DTX3: variants seen among roughly 807,000 people sequenced by gnomAD.
The protein encoded by DTX3 is deltex E3 ubiquitin ligase 3, also known as E3 ubiquitin-protein ligase DTX3.
In DTX3, 10 loss-of-function variants were observed where a neutral mutation model predicts 27.4. That is an observed-to-expected ratio of 0.36 (90% CI 0.22 to 0.62). The LOEUF is 0.62. DTX3 is among the 20% of genes least tolerant of loss of function. DTX3 has a pLI of 0.68. For synonymous variants in DTX3, 171 were observed against 190.7 expected, an observed-to-expected ratio of 0.90 and a Z score of 0.85; for missense variants, 319 against 463.8, an observed-to-expected ratio of 0.69 and a Z score of 2.87.
Position 57,607,954 on chromosome 12 carries a change from G to A in DTX3, c.750+341G>A, listed in dbSNP as rs1369878124. Among the ~76,000 whole-genome samples the A allele has an allele frequency of 6.6e-6, 1 of 152,216 alleles. No individual in the cohort carries two copies. The highest frequency in any genetic ancestry group is 1.9e-4 in the East Asian group (1 of 5,196). On this transcript the variant is annotated intron_variant, in intron 5 of 6. Coordinates refer to ENST00000337737, the MANE Select transcript of DTX3 (RefSeq NM_178502.4). This position sits in a 1 kb window ranked among gnomAD's most constrained non-coding sequence, Gnocchi z 7.7. ...GTGGAGGTGGTGGCTTAGGGGAAGG[G>A]AGGCACAATAGGAAGGGATCTGACC... is the stretch of plus-strand genomic sequence containing the variant.
At position 57,609,274 on chromosome 12, in the gene DTX3, A is replaced by C; in HGVS notation, c.*122A>C. 1.1e-6 allele frequency: 1 copy of C among 896,436 alleles called. No homozygotes were observed. Among genetic ancestry groups the C allele is most frequent in the South Asian group, 1.5e-5 (1 of 66,086 alleles). The allele number at this position is 896,436 out of a possible 1,614,324, so 55.5% of individuals were successfully genotyped here. ...CTGTAGGGGACCTGTCTGACTGGGA[A>C]GGGAGTTCCGAGAGGGAGGGGGCAA... On this transcript the variant is annotated 3_prime_UTR_variant, in exon 7 of 7. Coordinates refer to ENST00000337737, the MANE Select transcript of DTX3 (RefSeq NM_178502.4).
chr12:57,606,388 A>G, intron 3 of DTX3, 55 bp from the exon 4 acceptor site: 1 of 1,430,130 alleles, frequency 7.0e-7, no homozygotes, highest in Admixed American at 2.1e-5. Flanking sequence ...GTTGGGGGCC[A>G]TGGGAATTGG....
rs755865914 is a variant in DTX3 at position 57,608,821 on chromosome 12, G to A, written c.968+84G>A. ...AGGGACCCACCAACCCCTCGCTCAC[G>A]GAGCCTCCTAACTGGAGAGAACCAC... is the stretch of plus-strand genomic sequence containing the variant. On this transcript the variant is annotated intron_variant, in intron 6 of 6. Transcript: ENST00000337737. This position sits in a 1 kb window ranked among gnomAD's most constrained non-coding sequence, Gnocchi z 6.1. 1.8e-5 allele frequency: 27 copies of A among 1,471,822 alleles called. No individual in the cohort carries two copies. In the East Asian group the frequency reaches 2.4e-4, roughly 13 times the overall value. The allele number at this position is 1,471,822 out of a possible 1,614,324, so 91.2% of individuals were successfully genotyped here.
At position 57,609,176 on chromosome 12, in the gene DTX3, C is replaced by T. The variant is rs750353500; in HGVS notation, c.*24C>T. ...GAAGGACATCGCCTTTGCCAAGGCC[C>T]CTGCTGTCTGCCTCTACTAGGACCC... On this transcript the variant is annotated 3_prime_UTR_variant, in exon 7 of 7. Coordinates refer to ENST00000337737, the MANE Select transcript of DTX3 (RefSeq NM_178502.4). 7.4e-6 allele frequency: 12 copies of T among 1,611,616 alleles called. No individual in the cohort carries two copies. The highest frequency in any genetic ancestry group is 1.7e-5 in the Admixed American group (1 of 59,962).
intron 6 of DTX3, 35 bp from the exon 7 acceptor site, chr12:57,609,042 T>C: frequency 6.2e-7 from 1 of 1,600,026 alleles, no homozygotes; most frequent in Non-Finnish European, 8.6e-7. Flanking sequence ...TTCAAACAGC[T>C]AACAACCCTC....
intron 4 of DTX3, 106 bp from the exon 5 acceptor site, chr12:57,606,759 G>A (rs1012086445): frequency 6.9e-7 from 1 of 1,454,842 alleles, no homozygotes; most frequent in African/African-American, 1.4e-5. Context: ...ATTAGGCTTT[G>A]AGAAAACAGA....
At position 57,609,204 on chromosome 12, in the gene DTX3, C is replaced by G; in HGVS notation, c.*52C>G. On this transcript the variant is annotated 3_prime_UTR_variant, in exon 7 of 7. Coordinates refer to ENST00000337737, the MANE Select transcript of DTX3 (RefSeq NM_178502.4). ...GCTGTCTGCCTCTACTAGGACCCAG[C>G]AGAAGCCTCTTTCTCCTCTCTGCCC... is the stretch of plus-strand genomic sequence containing the variant. The G allele has an allele frequency of 1.9e-6, 3 of 1,561,686 alleles. No individual in the cohort carries two copies. Among genetic ancestry groups the G allele is most frequent in the Non-Finnish European group, 2.6e-6 (3 of 1,133,708 alleles).
chr12:57,605,496 A>C (rs1219862281), intron 1 of DTX3, 75 bp from the exon 2 acceptor site: 2 of 152,362 alleles, frequency 1.3e-5, no homozygotes, highest in African/African-American at 4.8e-5. Context: ...TGATGGAGGC[A>C]TGAAGGGACA....
chr12:57,606,602 C>A, intron 4 of DTX3, 84 bp downstream of exon 4: 1 of 1,551,172 alleles, frequency 6.4e-7, no homozygotes, highest in Non-Finnish European at 8.8e-7. Context: ...CAAGTTGTTT[C>A]TATGATCTGG....
In DTX3 at chr12:57,607,230, C is replaced by T. The variant is rs1423428330; in HGVS notation, c.367C>T (p.Pro123Ser). 1.2e-6 allele frequency: 2 copies of T among 1,606,784 alleles called. No individual in the cohort carries two copies. The highest frequency in any genetic ancestry group is 1.7e-6 in the Non-Finnish European group (2 of 1,177,146). ...EHPEMHRAGP[P>S]PLRAAPLLPP... is the part of the protein sequence containing the mutation. ...CCCTGAGATGCACCGCGCAGGCCCACCCCCTCTCCGAGCAGCCCCACTTCT... is the reference window on the plus strand; with the variant it reads ...CCCTGAGATGCACCGCGCAGGCCCATCCCCTCTCCGAGCAGCCCCACTTCT... Residue 123 changes from proline (P) to serine (S), a missense_variant, in exon 5 of 7, where the codon CCC becomes TCC. Around this residue, in one of 2 missense-constraint regions of DTX3, gnomAD observed 202 missense variants for 205.3 expected, o/e 0.98. Transcript: ENST00000337737. This position sits in a 1 kb window ranked among gnomAD's most constrained non-coding sequence, Gnocchi z 7.7.
chr12:57,609,799 T>C lies in DTX3; in HGVS notation c.*647T>C, dbSNP rs1241578894. On this transcript the variant is annotated 3_prime_UTR_variant, in exon 7 of 7. Transcript: ENST00000337737. The stretch of plus-strand genomic sequence containing the variant: ...ATAAAAATAAAGTAAAATATGCAAC[T>C]CTTTATGCCACACCCGTTCTTTTCC... 1.3e-5 allele frequency: 2 copies of C among 158,430 alleles called. No homozygotes were observed. The highest frequency in any genetic ancestry group is 4.8e-5 in the African/African-American group (2 of 41,578). The allele number at this position is 158,430 out of a possible 1,614,324, so 9.8% of individuals were successfully genotyped here.
rs1883906035 is a variant in DTX3, at chr12:57,609,234, C to T, written c.*82C>T. ...GCCTCTTTCTCCTCTCTGCCCCCTG[C>T]CCCCCACACCACACCTGTAGGGGAC... On this transcript the variant is annotated 3_prime_UTR_variant, in exon 7 of 7. Coordinates refer to ENST00000337737, the MANE Select transcript of DTX3 (RefSeq NM_178502.4). The T allele has an allele frequency of 7.8e-7, 1 of 1,281,974 alleles. No homozygotes were observed. The allele number at this position is 1,281,974 out of a possible 1,614,324, so 79.4% of individuals were successfully genotyped here. A position where few individuals can be genotyped will look rare whatever the true frequency, so the allele number is the denominator to read the frequency against.
In DTX3 at chr12:57,606,500, TA is replaced by T; in HGVS notation, c.-16del. 1 of 1,614,072 alleles carries T rather than the reference TA, an allele frequency of 6.2e-7. No individual in the cohort carries two copies. On this transcript the variant is annotated 5_prime_UTR_variant, in exon 4 of 7. Transcript: ENST00000337737. ...GAAGAGTGAGCCTGCATGCCAATTC[TA>T]AGCTCTTCAGGATCAAAGTAAGCAA...
In DTX3 at chr12:57,606,985, G is replaced by A. The variant is rs761380782; in HGVS notation, c.122G>A (p.Arg41Gln). Residue 41 changes from arginine (R) to glutamine (Q), a missense_variant, in exon 5 of 7, where the codon CGG becomes CAG. Around this residue, in one of 2 missense-constraint regions of DTX3, gnomAD observed 202 missense variants for 205.3 expected, o/e 0.98. Transcript: ENST00000337737. Reference protein sequence around the residue: ...KETPARLARLREEHRVSILID... With the variant: ...KETPARLARLQEEHRVSILID... ...ACCCCAGCCCGGCTGGCCCGGCTTC[G>A]GGAGGAGCACCGTGTGTCCATCCTC... is the stretch of plus-strand genomic sequence containing the variant. 1.3e-5 allele frequency: 21 copies of A among 1,614,088 alleles called. No individual in the cohort carries two copies. In the Admixed American group the frequency reaches 2.5e-4, roughly 19 times the overall value.
At position 57,607,190 on chromosome 12, in the gene DTX3, G is replaced by C. The variant is rs1350161309; in HGVS notation, c.327G>C (p.Gly109=). 1 of 1,613,270 alleles carries C rather than the reference G, an allele frequency of 6.2e-7. No homozygotes were observed. Among genetic ancestry groups the C allele is most frequent in the African/African-American group, 1.3e-5 (1 of 74,946 alleles). Residue 109 remains glycine, a synonymous_variant, in exon 5 of 7, where the codon GGG becomes GGC. Coordinates refer to ENST00000337737, the MANE Select transcript of DTX3 (RefSeq NM_178502.4). The surrounding 1 kb of genome is among the most constrained non-coding windows in gnomAD (Gnocchi z 7.7). ...QGELMGCLAL[G]GGGEHPEMHR... ...AGCTGATGGGCTGCCTGGCTCTGGGGGGTGGAGGGGAGCACCCTGAGATGC... is the reference window on the plus strand; with the variant it reads ...AGCTGATGGGCTGCCTGGCTCTGGGCGGTGGAGGGGAGCACCCTGAGATGC...
Position 57,608,389 on chromosome 12 carries a change from A to G in DTX3, c.751-131A>G. On this transcript the variant is annotated intron_variant, in intron 5 of 6. Coordinates refer to ENST00000337737, the MANE Select transcript of DTX3 (RefSeq NM_178502.4). This position sits in a 1 kb window ranked among gnomAD's most constrained non-coding sequence, Gnocchi z 6.1. ...ATCTCTCCTTCTGTGGAAAGCTGTC[A>G]GCCTGTTGCTGCCCCGTTCGCATTA... 1 of 731,794 alleles carries G rather than the reference A, an allele frequency of 1.4e-6. No homozygotes were observed. The highest frequency in any genetic ancestry group is 2.7e-5 in the Admixed American group (1 of 37,702). 45.3% of individuals were successfully genotyped at this position (731,794 alleles called of 1,614,324 possible). A position where few individuals can be genotyped will look rare whatever the true frequency, so the allele number is the denominator to read the frequency against.
Position 57,607,684 on chromosome 12 carries a change from G to T in DTX3, c.750+71G>T. 1.3e-6 allele frequency: 2 copies of T among 1,594,064 alleles called. No homozygotes were observed. Among genetic ancestry groups the T allele is most frequent in the Non-Finnish European group, 1.7e-6 (2 of 1,163,564 alleles). On this transcript the variant is annotated intron_variant, in intron 5 of 6. Transcript: ENST00000337737. The surrounding 1 kb of genome is among the most constrained non-coding windows in gnomAD (Gnocchi z 7.7). The stretch of plus-strand genomic sequence containing the variant: ...TCTGACCTAGGAAAACCGGGTGAGG[G>T]TGAGTGTGCTTGTTAGATGTGAGAC...
chr12:57,608,359 G>A lies in DTX3; in HGVS notation c.751-161G>A, dbSNP rs1407815520. On this transcript the variant is annotated intron_variant, in intron 5 of 6. Coordinates refer to ENST00000337737, the MANE Select transcript of DTX3 (RefSeq NM_178502.4). The surrounding 1 kb of genome is among the most constrained non-coding windows in gnomAD (Gnocchi z 6.1). ...GAAACAGGCTCTTGCTGCCGAGGCC[G>A]TATAATCTCTCCTTCTGTGGAAAGC... 6.6e-6 allele frequency among the ~76,000 whole-genome samples: 1 copy of A among 152,154 alleles called. No individual in the cohort carries two copies. The highest frequency in any genetic ancestry group is 1.9e-4 in the East Asian group (1 of 5,194).
chr12:57,608,394 G>A lies in DTX3; in HGVS notation c.751-126G>A. 2.5e-6 allele frequency: 2 copies of A among 785,596 alleles called. No individual in the cohort carries two copies. Among genetic ancestry groups the A allele is most frequent in the South Asian group, 1.8e-5 (1 of 55,854 alleles). 48.7% of individuals were successfully genotyped at this position (785,596 alleles called of 1,614,324 possible). On this transcript the variant is annotated intron_variant, in intron 5 of 6. Transcript: ENST00000337737. The surrounding 1 kb of genome is among the most constrained non-coding windows in gnomAD (Gnocchi z 6.1). ...TCCTTCTGTGGAAAGCTGTCAGCCT[G>A]TTGCTGCCCCGTTCGCATTAGCTGG...
Sources: allele counts gnomAD v4.1 joint callset (sites outside exome capture counted in the v4.1 genomes callset), GRCh38; gene constraint gnomAD v4.1.1; regional missense constraint gnomAD v4.1.1; non-coding constraint Gnocchi (gnomAD v3.1); transcripts MANE v1.5; gene names NCBI Gene and HGNC (gene_info 2026-07-23, HGNC 2026-07-21).